The following RSPO4 variants were observed in gnomAD, a reference collection of about 807,000 sequenced individuals.
RSPO4 encodes R-spondin 4, also known as R-spondin-4.
In RSPO4, 23 loss-of-function variants were observed where a neutral mutation model predicts 24.8. The observed-to-expected ratio is 0.93, with a 90% confidence interval of 0.67 to 1.31. RSPO4 has a LOEUF of 1.31. Among genes scored for constraint, RSPO4 ranks in the 40% most tolerant of loss-of-function variants. The pLI is 0.00. For missense variants in RSPO4, 333 were observed against 316.5 expected (o/e 1.05, Z -0.39); for synonymous variants, 141 against 127.4 (o/e 1.11, Z -0.72).
intron 1 of RSPO4, among the ~76,000 whole-genome samples, chr20:997,909 G>A (rs555910241): frequency 8.5e-5 from 13 of 152,314 alleles, no homozygotes; most frequent in Admixed American, 2.6e-4. Context: ...ACTCCCTTCC[G>A]GTCCAGGGCA....
At chr20:964,947 G>C (rs1984147803) in intron 3 of RSPO4, among the ~76,000 whole-genome samples, 1 of 151,932 alleles carries the variant, frequency 6.6e-6, no homozygotes, top group Non-Finnish European at 1.5e-5. Context: ...CTAGAGCAGA[G>C]GTTTGCTAAG....
At chr20:998,362 C>A (rs1276434719) in intron 1 of RSPO4, among the ~76,000 whole-genome samples, 1 of 152,072 alleles carries the variant, frequency 6.6e-6, no homozygotes, top group Non-Finnish European at 1.5e-5. Flanking sequence ...GACACCCCAG[C>A]ATGTTTCAAA....
intron 3 of RSPO4, among the ~76,000 whole-genome samples, chr20:964,492 T>C (rs981141512): frequency 2.6e-5 from 4 of 151,758 alleles, no homozygotes; most frequent in African/African-American, 9.7e-5. Context: ...TGGGGCAGCC[T>C]GAGTTGGGAG....
At position 1,002,113 on chromosome 20, in the gene RSPO4, G is replaced by T. The variant is rs1165824762; in HGVS notation, c.52C>A (p.Leu18Ile). 5 of 1,565,188 alleles carry T rather than the reference G, an allele frequency of 3.2e-6. No individual in the cohort carries two copies. The highest frequency in any genetic ancestry group is 3.5e-6 in the Non-Finnish European group (4 of 1,154,654). Residue 18 changes from leucine (L) to isoleucine (I), a missense_variant, in exon 1 of 5, where the codon CTC becomes ATC. By Grantham distance (5) the Leu-to-Ile change is conservative (BLOSUM62 2). Transcript: ENST00000217260. This position sits in a 1 kb window ranked among gnomAD's most constrained non-coding sequence, Gnocchi z 4.6. ...LLLVAHAVDM[L>I]ALNRRKKQVG... ...TGCTTCTTCCTTCGGTTCAGGGCGA[G>T]CATGTCCACGGCGTGGGCGACGAGC... is the stretch of plus-strand genomic sequence containing the variant.
At chr20:995,798 G>T (rs1300339414) in intron 1 of RSPO4, among the ~76,000 whole-genome samples, 1 of 152,160 alleles carries the variant, frequency 6.6e-6, no homozygotes, top group African/African-American at 2.4e-5. Flanking sequence ...GAAAGGGGCT[G>T]AGCACAGAAG....
rs6039372 is a variant in RSPO4 at position 978,751 on chromosome 20, C to T, written c.80-10613G>A. 3.1e-3 allele frequency among the ~76,000 whole-genome samples: 475 copies of T among 152,094 alleles called. 3 individuals are homozygous for T. Among genetic ancestry groups the T allele is most frequent in the African/African-American group, 0.011 (445 of 41,462 alleles). On this transcript the variant is annotated intron_variant, in intron 1 of 4. Transcript: ENST00000217260. ...TTTTCTAGGGAGGCAGATGTGGGGA[C>T]AGAAGCTGAGGCCAGGAGCAGGACT...
chr20:965,583 C>T (rs949459542), intron 3 of RSPO4, among the ~76,000 whole-genome samples: 2 of 152,126 alleles, frequency 1.3e-5, no homozygotes, highest in African/African-American at 4.8e-5. Context: ...AGAACCAAGG[C>T]GGGAGACGGG....
At chr20:985,627 G>A (rs535863518) in intron 1 of RSPO4, among the ~76,000 whole-genome samples, 124 of 152,314 alleles carry the variant, frequency 8.1e-4, no homozygotes, top group African/African-American at 2.8e-3. Context: ...AGCTGCCTCC[G>A]AGTCTGAGAT....
intron 1 of RSPO4, among the ~76,000 whole-genome samples, chr20:988,001 G>C (rs540026806): frequency 2.0e-4 from 30 of 152,342 alleles, no homozygotes; most frequent in African/African-American, 6.3e-4. Flanking sequence ...ATTGAATTTG[G>C]GTACACAGAG....
intron 1 of RSPO4, among the ~76,000 whole-genome samples, chr20:992,191 G>A (rs138849696): frequency 2.6e-5 from 4 of 151,584 alleles, no homozygotes; most frequent in African/African-American, 4.8e-5. Context: ...ATACGCACAC[G>A]CACACGGATG....
chr20:977,178 C>A (rs1600094288), intron 1 of RSPO4, among the ~76,000 whole-genome samples: 1 of 152,204 alleles, frequency 6.6e-6, no homozygotes, highest in East Asian at 1.9e-4. Flanking sequence ...AAAACACAGG[C>A]TGCTGGGCCT....
chr20:980,293 C>T (rs945342785), intron 1 of RSPO4, among the ~76,000 whole-genome samples: 4 of 152,124 alleles, frequency 2.6e-5, no homozygotes, highest in African/African-American at 9.7e-5. Context: ...CTCAGTCCTC[C>T]ATGCAGAGTC....
chr20:983,889 T>C (rs2060344887), intron 1 of RSPO4, among the ~76,000 whole-genome samples: 2 of 152,160 alleles, frequency 1.3e-5, no homozygotes, highest in Admixed American at 1.3e-4. Flanking sequence ...GGTAAGTAAG[T>C]TGCCCAGATC....
intron 1 of RSPO4, among the ~76,000 whole-genome samples, chr20:994,244 G>C (rs1440985026): frequency 6.6e-6 from 1 of 152,162 alleles, no homozygotes; most frequent in East Asian, 1.9e-4. Flanking sequence ...AATATGTTTT[G>C]GGGAACATAC....
At chr20:982,364 T>G (rs79252739) in intron 1 of RSPO4, among the ~76,000 whole-genome samples, 1 of 152,254 alleles carries the variant, frequency 6.6e-6, no homozygotes. Flanking sequence ...GAAATTGTCA[T>G]GCAATTGTCC....
At chr20:984,474 T>A (rs1274474285) in intron 1 of RSPO4, among the ~76,000 whole-genome samples, 2 of 152,174 alleles carry the variant, frequency 1.3e-5, no homozygotes, top group Admixed American at 6.5e-5. Context: ...GGTCAGTGTG[T>A]CCCTGCCAGT....
intron 1 of RSPO4, among the ~76,000 whole-genome samples, chr20:974,364 G>A (rs1206849540): frequency 6.6e-6 from 1 of 152,162 alleles, no homozygotes; most frequent in Admixed American, 6.5e-5. Context: ...ATCTCTCTCT[G>A]GGCTGATGGA....
intron 1 of RSPO4, among the ~76,000 whole-genome samples, chr20:973,967 G>A (rs538701315): frequency 5.3e-5 from 8 of 152,096 alleles, no homozygotes; most frequent in Admixed American, 3.9e-4. Flanking sequence ...CTGGTGTTTC[G>A]TCATGTCTCT....
In RSPO4 at chr20:959,941, T is replaced by C. The variant is rs1983931193; in HGVS notation, c.*416A>G. The C allele has an allele frequency of 5.2e-6, 1 of 192,732 alleles. No homozygotes were observed. The highest frequency in any genetic ancestry group is 1.1e-5 in the Non-Finnish European group (1 of 92,958). 11.9% of individuals were successfully genotyped at this position (192,732 alleles called of 1,614,324 possible). On this transcript the variant is annotated 3_prime_UTR_variant, in exon 5 of 5. Coordinates refer to ENST00000217260, the MANE Select transcript of RSPO4 (RefSeq NM_001029871.4). ...CAGGGAAAGGCCTGGGAAAAGATGT[T>C]TGCTTTCTTTAAGTTGTAGATAGAG...
Sources: gnomAD v4.1 joint callset for allele counts (sites outside exome capture counted in the v4.1 genomes callset) on GRCh38, gnomAD v4.1.1 for gene constraint, Gnocchi (gnomAD v3.1) non-coding constraint, MANE v1.5 for transcripts, NCBI Gene and HGNC (gene_info 2026-07-23, HGNC 2026-07-21) for gene names.